IFT80: variants seen among roughly 807,000 people sequenced by gnomAD.
IFT80 encodes intraflagellar transport 80.
IFT80 carries 79 observed loss-of-function variants against 107.9 expected under a neutral mutation model. The ratio of observed to expected loss-of-function variants is 0.73; its 90% CI spans 0.61 to 0.88. The LOEUF (loss-of-function observed/expected upper bound fraction) is 0.88, where lower values mean the gene tolerates loss of function less well. Ranked by LOEUF, IFT80 falls within the 40% of genes least tolerant of loss-of-function variation. The probability of loss-of-function intolerance (pLI) is 0.00; values close to 1 mark genes in which losing one functional copy is unlikely to be tolerated. For synonymous variants in IFT80, 299 were observed against 300.9 expected (o/e 0.99, Z 0.07); for missense variants, 797 against 914.2 (o/e 0.87, Z 1.65).
intron 8 of IFT80, among the ~76,000 whole-genome samples, chr3:160,351,028 C>G (rs1407884947): frequency 6.6e-6 from 1 of 151,542 alleles, no homozygotes; most frequent in Admixed American, 6.6e-5. Context: ...TGAAAATGTA[C>G]ATTTTTTAAA....
Position 160,335,454 on chromosome 3 carries a change from TGAG to T in IFT80, c.778-15518_778-15516del, listed in dbSNP as rs911456066. On this transcript the variant is annotated intron_variant, in intron 8 of 19. Coordinates refer to ENST00000326448, the MANE Select transcript of IFT80 (RefSeq NM_020800.3). ...CCAGGCTGGTCTCAAACTCCTGACC[TGAG>T]GTGATCCACTCGCCTCGGCCTCCCA... 2.6e-4 allele frequency among the ~76,000 whole-genome samples: 39 copies of T among 152,010 alleles called. 1 individual carries two copies. The highest frequency in any genetic ancestry group is 9.4e-4 in the African/African-American group (39 of 41,388).
chr3:160,350,282 G>T (rs547424103), intron 8 of IFT80, among the ~76,000 whole-genome samples: 2 of 151,938 alleles, frequency 1.3e-5, no homozygotes, highest in East Asian at 3.9e-4. Flanking sequence ...TGGGAGTGGT[G>T]GTGGACGCCT....
intron 8 of IFT80, among the ~76,000 whole-genome samples, chr3:160,333,513 T>C (rs753062107): frequency 3.4e-4 from 51 of 152,184 alleles, no homozygotes; most frequent in Non-Finnish European, 3.1e-4. Flanking sequence ...ATTCTTTATG[T>C]TTTTTTCTAT....
At chr3:160,377,582 A>G (rs1224231271) in intron 3 of IFT80, 42 bp from the exon 4 acceptor site, 11 of 1,214,112 alleles carry the variant, frequency 9.1e-6, no homozygotes, top group Admixed American at 8.5e-5. Context: ...TATTTATTCA[A>G]TCAACAAAGC....
rs555093543 is a variant in IFT80 at position 160,282,499 on chromosome 3, C to G, written c.1495G>C (p.Glu499Gln). 1.1e-5 allele frequency: 17 copies of G among 1,592,746 alleles called. No individual in the cohort carries two copies. The South Asian group carries it at 1.6e-4, about 15-fold the overall frequency. Residue 499 changes from glutamate to glutamine, a missense_variant, in exon 14 of 20, where the codon GAA becomes CAA. Transcript: ENST00000326448. The part of the protein sequence containing the change: ...CITSVKRFGK[E>Q]EQIIKLGTMV... ...TTACCAAGCTTGATAATTTGTTCTTCCTTCCCAAATCGTTTCACAGAAGTG... is the reference window on the plus strand; with the variant it reads ...TTACCAAGCTTGATAATTTGTTCTTGCTTCCCAAATCGTTTCACAGAAGTG...
Position 160,348,414 on chromosome 3 carries a change from A to G in IFT80, c.777+7599T>C, listed in dbSNP as rs189015290. Among the ~76,000 whole-genome samples the G allele has an allele frequency of 4.4e-3, 676 of 152,344 alleles. 4 individuals are homozygous for G. Among genetic ancestry groups the G allele is most frequent in the Non-Finnish European group, 7.2e-3 (489 of 68,046 alleles). ...ACAATAGCAGAACAGCTGCTATTAG[A>G]TCTGCCTTCTCACAGATAACACCTA... On this transcript the variant is annotated intron_variant, in intron 8 of 19. Coordinates refer to ENST00000326448, the MANE Select transcript of IFT80 (RefSeq NM_020800.3).
intron 9 of IFT80, among the ~76,000 whole-genome samples, chr3:160,314,705 C>A (rs1041510132): frequency 6.6e-6 from 1 of 152,112 alleles, no homozygotes; most frequent in Non-Finnish European, 1.5e-5. Flanking sequence ...TGTGACTCCA[C>A]CTTGCAACAA....
Position 160,258,345 on chromosome 3 carries a change from AG to A in IFT80, c.*179del, listed in dbSNP as rs1408263813. The A allele has an allele frequency of 1.1e-5, 8 of 743,352 alleles. No homozygotes were observed. Among genetic ancestry groups the A allele is most frequent in the Non-Finnish European group, 1.7e-5 (8 of 463,432 alleles). The allele number at this position is 743,352 out of a possible 1,614,324, so 46.0% of individuals were successfully genotyped here. A position where few individuals can be genotyped will look rare whatever the true frequency, so the allele number is the denominator to read the frequency against. On this transcript the variant is annotated 3_prime_UTR_variant, in exon 20 of 20. Transcript: ENST00000326448. Reference sequence around the variant, plus strand: ...TATTGGACTAAAAAATATAAAAGATAGAAATACATCAATTACTTTGTGTTTC... The same window carrying A: ...TATTGGACTAAAAAATATAAAAGATAAAATACATCAATTACTTTGTGTTTC...
chr3:160,348,163 C>T (rs1027775329), intron 8 of IFT80, among the ~76,000 whole-genome samples: 3 of 151,800 alleles, frequency 2.0e-5, no homozygotes, highest in Admixed American at 6.6e-5. Context: ...ATTGAACATC[C>T]TTTCATGTTT....
chr3:160,392,581 A>T (rs1713469500), intron 1 of IFT80, among the ~76,000 whole-genome samples: 2 of 152,318 alleles, frequency 1.3e-5, no homozygotes, highest in South Asian at 4.1e-4. Flanking sequence ...CTCTTCTCTC[A>T]CATACCAAAT....
chr3:160,395,027 T>C (rs1035957247), intron 1 of IFT80, among the ~76,000 whole-genome samples: 1 of 152,252 alleles, frequency 6.6e-6, no homozygotes, highest in Non-Finnish European at 1.5e-5. Context: ...GTTTCTGTTC[T>C]GTTTGAAGTT....
At chr3:160,276,923 T>C (rs536331822) in intron 18 of IFT80, among the ~76,000 whole-genome samples, 2 of 152,186 alleles carry the variant, frequency 1.3e-5, no homozygotes, top group Non-Finnish European at 2.9e-5. Context: ...AACCTCTAGT[T>C]CAGATATTTC....
rs1009740596 is a variant in IFT80, at chr3:160,258,327, C to T, written c.*198G>A. The T allele has an allele frequency of 7.5e-5, 52 of 688,966 alleles. No individual in the cohort carries two copies. The highest frequency in any genetic ancestry group is 1.1e-4 in the Non-Finnish European group (46 of 419,906). 42.7% of individuals were successfully genotyped at this position (688,966 alleles called of 1,614,324 possible). ...TAGTAATATTTTGCTAATTATTGGA[C>T]TAAAAAATATAAAAGATAGAAATAC... On this transcript the variant is annotated 3_prime_UTR_variant, in exon 20 of 20. Coordinates refer to ENST00000326448, the MANE Select transcript of IFT80 (RefSeq NM_020800.3).
rs948983453 is a variant in IFT80 at position 160,294,244 on chromosome 3, G to A, written c.1315+6639C>T. Among the ~76,000 whole-genome samples, 7 of 151,966 alleles carry A rather than the reference G, an allele frequency of 4.6e-5. 1 individual carries two copies. The highest frequency in any genetic ancestry group is 9.7e-5 in the African/African-American group (4 of 41,394). On this transcript the variant is annotated intron_variant, in intron 12 of 19. Transcript: ENST00000326448. Reference sequence around the variant, plus strand: ...CTTTTTTTTTCTTTTTTGGAGACAGGGTCCTGCTCTGATGCCCAGGCTGTG... The same window carrying A: ...CTTTTTTTTTCTTTTTTGGAGACAGAGTCCTGCTCTGATGCCCAGGCTGTG...
At chr3:160,273,236 C>A (rs1713965017) in intron 18 of IFT80, among the ~76,000 whole-genome samples, 2 of 152,120 alleles carry the variant, frequency 1.3e-5, no homozygotes, top group Admixed American at 1.3e-4. Context: ...CTTTCTTATC[C>A]AATCTTGATA....
chr3:160,273,342 G>A (rs1228579261), intron 18 of IFT80, among the ~76,000 whole-genome samples: 1 of 152,142 alleles, frequency 6.6e-6, no homozygotes, highest in Non-Finnish European at 1.5e-5. Flanking sequence ...GATTTCCATT[G>A]TGAAAAGATC....
intron 8 of IFT80, among the ~76,000 whole-genome samples, chr3:160,338,367 A>G (rs554309713): frequency 6.6e-6 from 1 of 152,260 alleles, no homozygotes; most frequent in South Asian, 2.1e-4. Context: ...ACAGGCATCC[A>G]CAAGGGAGGA....
intron 3 of IFT80, chr3:160,378,028 T>C (rs183014592): frequency 6.5e-6 from 1 of 152,688 alleles, no homozygotes; most frequent in Non-Finnish European, 1.5e-5. Flanking sequence ...TGACATCTCT[T>C]ATATAATTAG....
intron 8 of IFT80, among the ~76,000 whole-genome samples, chr3:160,355,436 A>T (rs995865809): frequency 1.9e-4 from 29 of 151,990 alleles, no homozygotes; most frequent in African/African-American, 7.0e-4. Context: ...TTTTTTATAC[A>T]GACAGAGTTT....
Sources: allele counts gnomAD v4.1 joint callset (sites outside exome capture counted in the v4.1 genomes callset), GRCh38; gene constraint gnomAD v4.1.1; transcripts MANE v1.5; gene names NCBI Gene and HGNC (gene_info 2026-07-23, HGNC 2026-07-21).